PKP2: variants seen among roughly 807,000 people sequenced by gnomAD.
The protein encoded by PKP2 is plakophilin 2.
PKP2 carries 73 observed loss-of-function variants against 83.4 expected under a neutral mutation model. The observed-to-expected ratio is 0.88, with a 90% confidence interval of 0.72 to 1.06. PKP2 has a LOEUF of 1.06. Among genes scored for constraint, PKP2 ranks in the 50% least tolerant of loss-of-function variants. PKP2 has a pLI of 0.00. For missense variants in PKP2, 966 were observed against 1,065.4 expected, an observed-to-expected ratio of 0.91 and a Z score of 1.30; for synonymous variants, 409 against 430.4, an observed-to-expected ratio of 0.95 and a Z score of 0.62.
intron 9 of PKP2, among the ~76,000 whole-genome samples, chr12:32,805,539 A>C (rs1956219248): frequency 6.6e-6 from 1 of 152,224 alleles, no homozygotes. Context: ...CAGTTCTCCC[A>C]GCACCGTTTA....
At chr12:32,865,982 A>G (rs1405030961) in intron 4 of PKP2, among the ~76,000 whole-genome samples, 1 of 152,174 alleles carries the variant, frequency 6.6e-6, no homozygotes, top group African/African-American at 2.4e-5. Flanking sequence ...GAATAGAGAA[A>G]CATTTCTTGG....
chr12:32,794,238 G>T (rs576679537), intron 11 of PKP2, among the ~76,000 whole-genome samples: 1 of 152,270 alleles, frequency 6.6e-6, no homozygotes, highest in South Asian at 2.1e-4. Context: ...ATCCATCAAA[G>T]TGATGGGTCT....
At position 32,821,485 on chromosome 12, in the gene PKP2, C is replaced by G; in HGVS notation, c.1884G>C (p.Lys628Asn). Residue 628 changes from lysine to asparagine, a missense_variant, in exon 9 of 13, where the codon AAG becomes AAC. Transcript: ENST00000340811. ...VPMPEEKSNP[K>N]GVEWLWHSIV... is the part of the protein sequence containing the mutation. ...TGGAATGCCACAGCCACTCCACGCC[C>G]TTGGGGTTGCTCTTTTCCTCCGGCA... The G allele has an allele frequency of 6.2e-7, 1 of 1,614,058 alleles. No individual in the cohort carries two copies. The highest frequency in any genetic ancestry group is 8.5e-7 in the Non-Finnish European group (1 of 1,180,010).
chr12:32,860,317 G>C (rs1956787075), intron 4 of PKP2, among the ~76,000 whole-genome samples: 2 of 152,180 alleles, frequency 1.3e-5, no homozygotes, highest in African/African-American at 4.8e-5. Flanking sequence ...GTATTAATTA[G>C]TACATGTGGT....
intron 10 of PKP2, among the ~76,000 whole-genome samples, chr12:32,800,155 C>T (rs1042074993): frequency 1.3e-5 from 2 of 152,144 alleles, no homozygotes; most frequent in African/African-American, 4.8e-5. Flanking sequence ...TGTTTATCAG[C>T]AATTAACAAA....
intron 6 of PKP2, among the ~76,000 whole-genome samples, chr12:32,836,615 T>C (rs1269198423): frequency 6.6e-6 from 1 of 152,230 alleles, no homozygotes; most frequent in Non-Finnish European, 1.5e-5. Context: ...TATAGTAATC[T>C]AAATCAAACA....
chr12:32,887,239 G>C (rs184613040), intron 1 of PKP2, among the ~76,000 whole-genome samples: 2 of 152,270 alleles, frequency 1.3e-5, no homozygotes, highest in East Asian at 3.9e-4. Flanking sequence ...CAGCTCTCCT[G>C]CAAGAGTGGG....
intron 6 of PKP2, among the ~76,000 whole-genome samples, chr12:32,824,722 T>C (rs1956419355): frequency 6.6e-6 from 1 of 152,250 alleles, no homozygotes; most frequent in African/African-American, 2.4e-5. Context: ...AGAGAGATGT[T>C]ACAGAAAACA....
chr12:32,841,271 C>A, intron 5 of PKP2, 66 bp from the exon 6 acceptor site: 1 of 1,334,934 alleles, frequency 7.5e-7, no homozygotes, highest in South Asian at 1.2e-5. Flanking sequence ...CTGAAAAGTT[C>A]AGTCAAGGCC....
chr12:32,878,376 G>A lies in PKP2; in HGVS notation c.504C>T (p.Tyr168=), dbSNP rs1057520930. 1 of 1,613,996 alleles carries A rather than the reference G, an allele frequency of 6.2e-7. No individual in the cohort carries two copies. Among genetic ancestry groups the A allele is most frequent in the South Asian group, 1.1e-5 (1 of 91,084 alleles). Residue 168 remains tyrosine, a synonymous_variant, in exon 3 of 13, where the codon TAC becomes TAT. Transcript: ENST00000340811. ...RAHYTHSDYQ[Y]SQRSQAGHTL... is the part of the protein sequence containing the mutation. ...TGTGCCCAGCCTGGCTTCTCTGGCT[G>A]TACTGGTAATCGCTGTGCGTGTAGT...
chr12:32,811,804 G>C (rs1299176943), intron 9 of PKP2, among the ~76,000 whole-genome samples: 1 of 152,156 alleles, frequency 6.6e-6, no homozygotes, highest in African/African-American at 2.4e-5. Context: ...CCAACAGCTT[G>C]GCTTTCTGTG....
intron 9 of PKP2, among the ~76,000 whole-genome samples, chr12:32,819,303 C>A (rs57916120): frequency 0.36 from 12,005 of 33,468 alleles, 1,161 homozygotes; most frequent in African/African-American, 0.45. Flanking sequence ...CAATACAATA[C>A]AATACAATAC....
At chr12:32,827,985 G>A (rs1358128973) in intron 6 of PKP2, among the ~76,000 whole-genome samples, 1 of 152,172 alleles carries the variant, frequency 6.6e-6, no homozygotes, top group Non-Finnish European at 1.5e-5. Flanking sequence ...AAGGGGCCAG[G>A]GCCTTAGGAG....
intron 1 of PKP2, among the ~76,000 whole-genome samples, chr12:32,880,545 C>T (rs1295145742): frequency 6.6e-6 from 1 of 152,148 alleles, no homozygotes; most frequent in Non-Finnish European, 1.5e-5. Flanking sequence ...CTCTATGCTC[C>T]ATCCAAATGG....
intron 11 of PKP2, among the ~76,000 whole-genome samples, chr12:32,794,653 G>A (rs1222434691): frequency 6.6e-6 from 1 of 152,178 alleles, no homozygotes; most frequent in African/African-American, 2.4e-5. Flanking sequence ...ACTATCTTAC[G>A]GTGATTTGCT....
rs1384905165 is a variant in PKP2, at chr12:32,856,883, A to C, written c.1171-5910T>G. 2.0e-5 allele frequency among the ~76,000 whole-genome samples: 3 copies of C among 152,352 alleles called. No individual in the cohort carries two copies. The East Asian group carries it at 5.8e-4, about 29-fold the overall frequency. On this transcript the variant is annotated intron_variant, in intron 4 of 12. Transcript: ENST00000340811. ...GTTATTGCCTTGTGGCAGGCAGTGCACCATTATCTGACTGCATTCTCAGGA... is the reference window on the plus strand; with the variant it reads ...GTTATTGCCTTGTGGCAGGCAGTGCCCCATTATCTGACTGCATTCTCAGGA...
At chr12:32,840,530 C>T (rs540815971) in intron 6 of PKP2, among the ~76,000 whole-genome samples, 2 of 152,210 alleles carry the variant, frequency 1.3e-5, no homozygotes, top group African/African-American at 4.8e-5. Flanking sequence ...AACTCCTGAC[C>T]TCAACTGATC....
At chr12:32,858,084 A>AAAAAAAT (rs1233128620) in intron 4 of PKP2, among the ~76,000 whole-genome samples, 1 of 67,024 alleles carries the variant, frequency 1.5e-5, no homozygotes, top group Non-Finnish European at 2.4e-5. Flanking sequence ...AAAAAAAAAA[A>AAAAAAAT]ATATATATAT....
intron 3 of PKP2, among the ~76,000 whole-genome samples, chr12:32,875,944 G>A (rs1956928083): frequency 1.3e-5 from 2 of 152,174 alleles, no homozygotes; most frequent in South Asian, 4.1e-4. Context: ...GAACCATAAG[G>A]ATAAAAGTGA....
Sources: gnomAD v4.1 joint callset for allele counts (sites outside exome capture counted in the v4.1 genomes callset) on GRCh38, gnomAD v4.1.1 for gene constraint, MANE v1.5 for transcripts, NCBI Gene and HGNC (gene_info 2026-07-23, HGNC 2026-07-21) for gene names.